Variants in KAT6B observed in about 807,000 individuals in gnomAD.
KAT6B encodes the protein lysine acetyltransferase 6B.
A neutral mutation model predicts 187.5 loss-of-function variants in KAT6B; 10 were observed. That is an observed-to-expected ratio of 0.05 (90% CI 0.03 to 0.09). KAT6B has a LOEUF of 0.09. KAT6B is among the 10% of genes least tolerant of loss of function. The probability of loss-of-function intolerance (pLI) is 1.00; values close to 1 mark genes in which losing one functional copy is unlikely to be tolerated. For missense variants in KAT6B, 1,952 were observed against 2,558.9 expected (o/e 0.76, Z 5.12); for synonymous variants, 861 against 926.8 (o/e 0.93, Z 1.29).
At chr10:74,998,635 TTA>T (rs765044661) in intron 13 of KAT6B, among the ~76,000 whole-genome samples, 18 of 152,214 alleles carry the variant, frequency 1.2e-4, no homozygotes, top group Non-Finnish European at 2.2e-4. Flanking sequence ...CTGCTGAGAA[TTA>T]TGTTCTGACC....
chr10:75,023,116 C>T (rs995389765), intron 16 of KAT6B, among the ~76,000 whole-genome samples: 4 of 152,236 alleles, frequency 2.6e-5, no homozygotes, highest in Non-Finnish European at 5.9e-5. Flanking sequence ...TAGACCATAT[C>T]ATCTCCAATG....
intron 1 of KAT6B, among the ~76,000 whole-genome samples, chr10:74,833,325 T>C (rs984089521): frequency 6.6e-6 from 1 of 152,156 alleles, no homozygotes; most frequent in African/African-American, 2.4e-5. Flanking sequence ...TGCTTAGTTA[T>C]AATACATCAT....
chr10:74,943,737 A>C (rs1589675262), intron 3 of KAT6B, among the ~76,000 whole-genome samples: 1 of 152,232 alleles, frequency 6.6e-6, no homozygotes, highest in Non-Finnish European at 1.5e-5. Flanking sequence ...GGGATAGATA[A>C]AAATTTCTTA....
chr10:74,993,050 C>G (rs1045372756), intron 13 of KAT6B, among the ~76,000 whole-genome samples: 1 of 152,184 alleles, frequency 6.6e-6, no homozygotes, highest in Non-Finnish European at 1.5e-5. Flanking sequence ...ATCTCTCTCT[C>G]CCTCCGTCCC....
At chr10:74,941,625 G>C (rs974369383) in intron 3 of KAT6B, among the ~76,000 whole-genome samples, 1 of 152,062 alleles carries the variant, frequency 6.6e-6, no homozygotes, top group African/African-American at 2.4e-5. Flanking sequence ...ACACACACAT[G>C]CATGCACACA....
At chr10:74,858,172 CG>C (rs5786154) in intron 3 of KAT6B, among the ~76,000 whole-genome samples, 152,268 of 152,268 alleles carry the variant, frequency 1, 76,134 homozygotes, top group Non-Finnish European at 1. Context: ...GGAACGGGGG[CG>C]TGCACTCTTG....
intron 13 of KAT6B, among the ~76,000 whole-genome samples, chr10:75,002,449 T>C (rs959639209): frequency 1.3e-5 from 2 of 152,058 alleles, no homozygotes; most frequent in African/African-American, 4.8e-5. Flanking sequence ...AGGTCTTTTA[T>C]ATACAGTCAT....
intron 1 of KAT6B, among the ~76,000 whole-genome samples, chr10:74,835,511 G>A (rs867819076): frequency 1.1e-4 from 16 of 152,286 alleles, no homozygotes; most frequent in South Asian, 2.1e-4. Flanking sequence ...GTACCTGAAG[G>A]TAATACCCGA....
At chr10:75,013,821 G>A (rs1844786575) in intron 13 of KAT6B, among the ~76,000 whole-genome samples, 1 of 152,166 alleles carries the variant, frequency 6.6e-6, no homozygotes, top group East Asian at 1.9e-4. Flanking sequence ...TAAAATCCCT[G>A]AGGTCACACA....
At chr10:74,881,326 G>A (rs1844836402) in intron 3 of KAT6B, among the ~76,000 whole-genome samples, 1 of 152,124 alleles carries the variant, frequency 6.6e-6, no homozygotes, top group South Asian at 2.1e-4. Context: ...GATCAGAGTT[G>A]TCCCCAGTTG....
At chr10:74,907,119 T>C (rs1272439879) in intron 3 of KAT6B, among the ~76,000 whole-genome samples, 1 of 152,232 alleles carries the variant, frequency 6.6e-6, no homozygotes, top group Admixed American at 6.5e-5. Flanking sequence ...TAGAAATAGT[T>C]ATTTTCTTGC....
At chr10:74,945,184 A>G (rs531146067) in intron 3 of KAT6B, among the ~76,000 whole-genome samples, 1 of 152,380 alleles carries the variant, frequency 6.6e-6, no homozygotes, top group South Asian at 2.1e-4. Flanking sequence ...GGCACTGAGT[A>G]ACATTAAACG....
At chr10:74,898,140 C>T (rs150741645) in intron 3 of KAT6B, among the ~76,000 whole-genome samples, 8 of 151,970 alleles carry the variant, frequency 5.3e-5, no homozygotes, top group African/African-American at 1.7e-4. Context: ...TTTAAACAAA[C>T]GTGAAAGGCA....
intron 1 of KAT6B, among the ~76,000 whole-genome samples, chr10:74,837,990 G>C (rs897868636): frequency 6.6e-6 from 1 of 152,036 alleles, no homozygotes; most frequent in Non-Finnish European, 1.5e-5. Context: ...GGTGTGTGTC[G>C]TGGCTGGGGG....
In KAT6B at chr10:74,836,418, C is replaced by G. The variant is rs568069479; in HGVS notation, c.-328-2265C>G. Among the ~76,000 whole-genome samples, 12 of 152,152 alleles carry G rather than the reference C, an allele frequency of 7.9e-5. No individual in the cohort carries two copies. The South Asian group carries it at 1.2e-3, about 16-fold the overall frequency. On this transcript the variant is annotated intron_variant, in intron 1 of 17. Transcript: ENST00000287239. Reference sequence around the variant, plus strand: ...ACAGTGCTTTGCTATTTCTTAATTGCTTCTTATATGTTCTGTCTCTAGCTT... The same window carrying G: ...ACAGTGCTTTGCTATTTCTTAATTGGTTCTTATATGTTCTGTCTCTAGCTT...
At chr10:74,837,963 A>G (rs1464181531) in intron 1 of KAT6B, among the ~76,000 whole-genome samples, 1 of 151,662 alleles carries the variant, frequency 6.6e-6, no homozygotes, top group Non-Finnish European at 1.5e-5. Flanking sequence ...TAATTTTGAG[A>G]TTAAATCGAG....
chr10:74,839,350 C>A (rs923267045), intron 2 of KAT6B, among the ~76,000 whole-genome samples: 1 of 151,448 alleles, frequency 6.6e-6, no homozygotes. Context: ...CCTGCCTTAG[C>A]CTCCTGAGTA....
intron 3 of KAT6B, among the ~76,000 whole-genome samples, chr10:74,869,969 A>C (rs1362970342): frequency 6.6e-6 from 1 of 152,192 alleles, no homozygotes; most frequent in Non-Finnish European, 1.5e-5. Context: ...TGTCTGAGAT[A>C]ACATACAGAG....
At chr10:74,945,875 A>G (rs1839918037) in intron 3 of KAT6B, among the ~76,000 whole-genome samples, 1 of 152,318 alleles carries the variant, frequency 6.6e-6, no homozygotes, top group South Asian at 2.1e-4. Context: ...ATTTTCATGA[A>G]GGATATTGAC....
Sources: allele counts gnomAD v4.1 joint callset (sites outside exome capture counted in the v4.1 genomes callset), GRCh38; gene constraint gnomAD v4.1.1; transcripts MANE v1.5; gene names NCBI Gene and HGNC (gene_info 2026-07-23, HGNC 2026-07-21).